Variants in DNAH11 observed in about 807,000 individuals in gnomAD.
DNAH11 encodes the protein dynein axonemal heavy chain 11, also known as axonemal beta dynein heavy chain 11.
DNAH11 carries 442 observed loss-of-function variants against 526.0 expected under a neutral mutation model. The observed-to-expected ratio is 0.84, with a 90% confidence interval of 0.78 to 0.91. The LOEUF (loss-of-function observed/expected upper bound fraction) is 0.91. DNAH11 is among the 40% of genes least tolerant of loss of function. The pLI, the probability that DNAH11 is intolerant of heterozygous loss-of-function variation, is 0.00. For missense variants in DNAH11, 6,989 were observed against 5,448.7 expected, an observed-to-expected ratio of 1.28 and a Z score of -8.90; for synonymous variants, 2,461 against 1,935.9, an observed-to-expected ratio of 1.27 and a Z score of -7.12.
chr7:21,805,640 G>A (rs551414599), intron 62 of DNAH11, among the ~76,000 whole-genome samples: 1 of 152,278 alleles, frequency 6.6e-6, no homozygotes, highest in East Asian at 1.9e-4. Context: ...TGTTTTCCGG[G>A]ACTAGTTACA....
chr7:21,706,261 A>C (rs11535172), intron 39 of DNAH11, among the ~76,000 whole-genome samples: 7,228 of 152,094 alleles, frequency 0.048, 500 homozygotes, highest in East Asian at 0.21. Flanking sequence ...ACAGTCCTGG[A>C]AACATACTTA....
Position 21,744,929 on chromosome 7 carries a change from AG to A in DNAH11, c.8379del (p.Lys2794ArgfsTer8). 6.2e-7 allele frequency: 1 copy of A among 1,611,154 alleles called. No individual in the cohort carries two copies. The highest frequency in any genetic ancestry group is 8.5e-7 in the Non-Finnish European group (1 of 1,178,712). ...PLIYCHFADR[G>X]KDPHYMPVKD... ...TCATTTATTGCCACTTTGCTGATAGAGGGAAGGACCCACATTACATGCCAGT... is the reference window on the plus strand; with the variant it reads ...TCATTTATTGCCACTTTGCTGATAGAGGAAGGACCCACATTACATGCCAGT... On this transcript the variant is annotated frameshift_variant, in exon 51 of 82. Transcript: ENST00000409508. LOFTEE classifies it high-confidence loss of function.
At chr7:21,600,985 CTAAT>C (rs1267452084) in intron 16 of DNAH11, 21 bp from the exon 17 acceptor site, 2 of 1,609,386 alleles carry the variant, frequency 1.2e-6, no homozygotes, top group Non-Finnish European at 1.7e-6. Context: ...CTGAGTTGTT[CTAAT>C]TAATCTTTTT....
intron 54 of DNAH11, among the ~76,000 whole-genome samples, chr7:21,760,083 G>T (rs1166411925): frequency 6.6e-6 from 1 of 150,996 alleles, no homozygotes; most frequent in Admixed American, 6.6e-5. Context: ...ACTAACTTAA[G>T]CCAATTTGCT....
At chr7:21,729,327 G>C (rs1244651401) in intron 45 of DNAH11, among the ~76,000 whole-genome samples, 3 of 152,136 alleles carry the variant, frequency 2.0e-5, no homozygotes, top group Admixed American at 6.5e-5. Context: ...GGCTTCTTCT[G>C]AAATAGCTGA....
chr7:21,887,732 A>G (rs1583813826), intron 76 of DNAH11, among the ~76,000 whole-genome samples: 1 of 152,336 alleles, frequency 6.6e-6, no homozygotes, highest in East Asian at 1.9e-4. Flanking sequence ...TGTGATAACA[A>G]TGGGAATCCT....
At chr7:21,773,712 T>A in intron 55 of DNAH11, 54 bp from the exon 56 acceptor site, 1 of 1,207,674 alleles carries the variant, frequency 8.3e-7, no homozygotes, top group Non-Finnish European at 1.1e-6. Context: ...TTTTTTTAAG[T>A]TGTATTTTTA....
intron 62 of DNAH11, 143 bp from the exon 63 acceptor site, chr7:21,807,740 A>T: frequency 1.6e-6 from 1 of 625,388 alleles, no homozygotes; most frequent in Admixed American, 3.3e-5. Context: ...AGATTATAAC[A>T]GTCACACCAA....
chr7:21,572,056 G>A, intron 8 of DNAH11, 83 bp downstream of exon 8: 1 of 1,211,414 alleles, frequency 8.3e-7, no homozygotes. Flanking sequence ...AGTGATAATA[G>A]GGACCATCCA....
Position 21,816,650 on chromosome 7 carries a change from A to T in DNAH11, c.10516A>T (p.Ile3506Phe). 1 of 1,613,728 alleles carries T rather than the reference A, an allele frequency of 6.2e-7. No homozygotes were observed. The highest frequency in any genetic ancestry group is 8.5e-7 in the Non-Finnish European group (1 of 1,179,772). Reference sequence around the variant, plus strand: ...TCCCCAGCAACAGGGAATTAAGTGGATCAAGAATAAGTATGGAATGGACCT... The same window carrying T: ...TCCCCAGCAACAGGGAATTAAGTGGTTCAAGAATAAGTATGGAATGGACCT... ...IDPQQQGIKW[I>F]KNKYGMDLKV... is the part of the protein sequence containing the mutation. The change falls in exon 64 of 82, where the codon ATC becomes TTC. Residue 3506 changes from isoleucine to phenylalanine, a missense_variant. Coordinates refer to ENST00000409508, the MANE Select transcript of DNAH11 (RefSeq NM_001277115.2).
intron 20 of DNAH11, 98 bp downstream of exon 20, chr7:21,606,831 C>T (rs1785308479): frequency 9.4e-7 from 1 of 1,068,876 alleles, no homozygotes; most frequent in Non-Finnish European, 1.4e-6. Context: ...CTTTGTTTTG[C>T]TGTTATAGGA....
chr7:21,750,152 C>G (rs923298052), intron 53 of DNAH11, 70 bp from the exon 54 acceptor site: 1 of 1,469,200 alleles, frequency 6.8e-7, no homozygotes, highest in East Asian at 2.5e-5. Context: ...ACATTTCAAA[C>G]GTTTAAAAGT....
intron 38 of DNAH11, 145 bp downstream of exon 38, chr7:21,704,773 A>T: frequency 1.1e-6 from 1 of 887,832 alleles, no homozygotes; most frequent in Non-Finnish European, 1.6e-6. Context: ...TTCATATGGC[A>T]GGATTAAGTA....
intron 28 of DNAH11, among the ~76,000 whole-genome samples, chr7:21,647,698 T>C (rs1257604155): frequency 1.3e-5 from 2 of 152,026 alleles, no homozygotes; most frequent in Non-Finnish European, 2.9e-5. Flanking sequence ...CCCAAAGAGC[T>C]GGGATTACAG....
chr7:21,616,698 T>C (rs188285333), intron 22 of DNAH11, among the ~76,000 whole-genome samples: 1 of 152,314 alleles, frequency 6.6e-6, no homozygotes, highest in Non-Finnish European at 1.5e-5. Context: ...GCATGCCACC[T>C]CTGGATTTAT....
At chr7:21,576,672 C>G (rs1304721830) in intron 8 of DNAH11, among the ~76,000 whole-genome samples, 2 of 152,134 alleles carry the variant, frequency 1.3e-5, no homozygotes, top group Admixed American at 1.3e-4. Flanking sequence ...AGTGTCAATG[C>G]TGTATTTCAG....
At chr7:21,752,928 G>C (rs1786475297) in intron 54 of DNAH11, among the ~76,000 whole-genome samples, 1 of 152,104 alleles carries the variant, frequency 6.6e-6, no homozygotes, top group Non-Finnish European at 1.5e-5. Context: ...TGGCCAGGCT[G>C]GTCTTGAACT....
At chr7:21,832,504 C>T (rs1353513604) in intron 65 of DNAH11, among the ~76,000 whole-genome samples, 3 of 152,218 alleles carry the variant, frequency 2.0e-5, no homozygotes, top group South Asian at 2.1e-4. Flanking sequence ...TGTCTTTGCA[C>T]GTGAAATGGG....
intron 28 of DNAH11, among the ~76,000 whole-genome samples, chr7:21,644,948 T>C (rs1379205243): frequency 6.6e-6 from 1 of 152,242 alleles, no homozygotes; most frequent in African/African-American, 2.4e-5. Flanking sequence ...GAATATGTGG[T>C]TAACCACAAA....
Sources: gnomAD v4.1 joint callset for allele counts (sites outside exome capture counted in the v4.1 genomes callset) on GRCh38, gnomAD v4.1.1 for gene constraint, MANE v1.5 for transcripts, NCBI Gene and HGNC (gene_info 2026-07-23, HGNC 2026-07-21) for gene names.